Variants in SYN3 observed in about 807,000 individuals in gnomAD.
SYN3 encodes the protein synapsin III.
In SYN3, 35 loss-of-function variants were observed where a neutral mutation model predicts 65.8. The observed-to-expected ratio is 0.53, with a 90% CI of 0.41 to 0.70. The LOEUF (loss-of-function observed/expected upper bound fraction) is 0.70, where lower values mean the gene tolerates loss of function less well. SYN3 is among the 30% of genes least tolerant of loss of function. The pLI is 0.00. For synonymous variants in SYN3, 270 were observed against 292.9 expected (o/e 0.92, Z 0.80); for missense variants, 680 against 749.0 (o/e 0.91, Z 1.08).
chr22:32,555,179 A>G (rs1451799496), intron 7 of SYN3, among the ~76,000 whole-genome samples: 1 of 152,186 alleles, frequency 6.6e-6, no homozygotes, highest in African/African-American at 2.4e-5. Context: ...AGGAGGTGCA[A>G]TAGCCCTGAG....
intron 3 of SYN3, among the ~76,000 whole-genome samples, chr22:32,939,399 T>C (rs894682062): frequency 6.6e-6 from 1 of 152,156 alleles, no homozygotes; most frequent in Non-Finnish European, 1.5e-5. Context: ...AAATAAAGTA[T>C]ACAAATTTTA....
chr22:32,596,336 T>C (rs967458427), intron 7 of SYN3, among the ~76,000 whole-genome samples: 2 of 152,192 alleles, frequency 1.3e-5, no homozygotes, highest in East Asian at 1.9e-4. Context: ...GCTTACAACA[T>C]GGCTGTGGAG....
intron 7 of SYN3, among the ~76,000 whole-genome samples, chr22:32,580,867 G>A (rs1443194937): frequency 6.6e-6 from 1 of 152,150 alleles, no homozygotes. Context: ...CTAGATCATG[G>A]TCTAGCAGCA....
chr22:32,850,801 A>G (rs2048196578), intron 6 of SYN3, among the ~76,000 whole-genome samples: 1 of 152,162 alleles, frequency 6.6e-6, no homozygotes, highest in African/African-American at 2.4e-5. Flanking sequence ...GTGAGACCCC[A>G]CAGGCCTGGA....
Position 32,897,700 on chromosome 22 carries a change from C to G in SYN3, c.462-28575G>C, listed in dbSNP as rs527381616. ...AAATGAAGATCATAATAGCGCTTACCTCACAGAGTTGTTAAGAGGATTTAA... is the reference window on the plus strand; with the variant it reads ...AAATGAAGATCATAATAGCGCTTACGTCACAGAGTTGTTAAGAGGATTTAA... On this transcript the variant is annotated intron_variant, in intron 4 of 13. Transcript: ENST00000358763. Among the ~76,000 whole-genome samples, 25 of 152,282 alleles carry G rather than the reference C, an allele frequency of 1.6e-4. No individual in the cohort carries two copies. In the South Asian group the frequency reaches 5.2e-3, roughly 32 times the overall value.
At chr22:32,645,391 C>T (rs1301661435) in intron 6 of SYN3, among the ~76,000 whole-genome samples, 7 of 149,448 alleles carry the variant, frequency 4.7e-5, no homozygotes, top group Admixed American at 3.4e-4. Context: ...GCAGAGGTGG[C>T]GGTGAGCGAA....
intron 4 of SYN3, among the ~76,000 whole-genome samples, chr22:32,879,043 A>C (rs1486069025): frequency 1.3e-5 from 2 of 152,088 alleles, no homozygotes; most frequent in Non-Finnish European, 2.9e-5. Flanking sequence ...AAAAAAAATA[A>C]AGGTAACCAA....
intron 6 of SYN3, among the ~76,000 whole-genome samples, chr22:32,660,476 CCT>C (rs1280463333): frequency 6.6e-6 from 1 of 152,122 alleles, no homozygotes; most frequent in Non-Finnish European, 1.5e-5. Context: ...GAAACAGCAC[CCT>C]GTGTTGGTGG....
At chr22:32,609,109 G>T (rs897838041) in intron 6 of SYN3, among the ~76,000 whole-genome samples, 5 of 152,004 alleles carry the variant, frequency 3.3e-5, no homozygotes, top group African/African-American at 1.2e-4. Flanking sequence ...TGGATCACGA[G>T]GTCAGGAGAT....
At chr22:32,526,076 A>C (rs1601562812) in intron 12 of SYN3, among the ~76,000 whole-genome samples, 1 of 152,244 alleles carries the variant, frequency 6.6e-6, no homozygotes, top group Admixed American at 6.5e-5. Flanking sequence ...TTAGTAATAA[A>C]GTATTTTATC....
At chr22:32,692,850 T>A (rs2060684468) in intron 6 of SYN3, among the ~76,000 whole-genome samples, 1 of 152,194 alleles carries the variant, frequency 6.6e-6, no homozygotes, top group East Asian at 1.9e-4. Context: ...GTACTACATG[T>A]TTTCGGCATA....
chr22:32,942,539 C>G (rs901660694), intron 3 of SYN3, among the ~76,000 whole-genome samples: 4 of 152,230 alleles, frequency 2.6e-5, no homozygotes, highest in African/African-American at 9.6e-5. Context: ...ATCAGAGCGC[C>G]TCTTCTCCTC....
chr22:32,855,101 C>A (rs1170107865), intron 6 of SYN3, among the ~76,000 whole-genome samples: 2 of 152,290 alleles, frequency 1.3e-5, no homozygotes, highest in East Asian at 1.9e-4. Context: ...CTATTATAAA[C>A]CCTTGGGACA....
At chr22:32,943,723 C>A (rs1408966150) in intron 3 of SYN3, among the ~76,000 whole-genome samples, 1 of 152,112 alleles carries the variant, frequency 6.6e-6, no homozygotes, top group East Asian at 1.9e-4. Flanking sequence ...CAGAGACACA[C>A]ATAGACTCAA....
chr22:32,637,136 G>A (rs2059827940), intron 6 of SYN3, among the ~76,000 whole-genome samples: 1 of 152,170 alleles, frequency 6.6e-6, no homozygotes, highest in African/African-American at 2.4e-5. Flanking sequence ...GGAGGAAGAC[G>A]GTTGTGCCTG....
At chr22:32,909,096 G>A (rs774512020) in intron 4 of SYN3, among the ~76,000 whole-genome samples, 8 of 152,072 alleles carry the variant, frequency 5.3e-5, no homozygotes, top group East Asian at 1.9e-4. Context: ...TGGACTAGGC[G>A]GCATGCTAAA....
chr22:32,581,171 G>A (rs968348722), intron 7 of SYN3, among the ~76,000 whole-genome samples: 1 of 152,138 alleles, frequency 6.6e-6, no homozygotes, highest in African/African-American at 2.4e-5. Flanking sequence ...GTGCAGTGGT[G>A]CAATCTCGGC....
Position 32,980,709 on chromosome 22 carries a change from AG to A in SYN3, c.312-8del. ...CCCATGGAAATACTTCGACCTGTAA[AG>A]GGGAAGAAATCAGCTGAGTAAGGAT... On this transcript the variant is annotated splice_region_variant and splice_polypyrimidine_tract_variant and intron_variant, in intron 2 of 13. Coordinates refer to ENST00000358763, the MANE Select transcript of SYN3 (RefSeq NM_003490.4). 1 of 1,613,810 alleles carries A rather than the reference AG, an allele frequency of 6.2e-7. No individual in the cohort carries two copies. Among genetic ancestry groups the A allele is most frequent in the East Asian group, 2.2e-5 (1 of 44,864 alleles).
chr22:32,911,488 A>T (rs1186911822), intron 4 of SYN3, among the ~76,000 whole-genome samples: 1 of 152,116 alleles, frequency 6.6e-6, no homozygotes, highest in Non-Finnish European at 1.5e-5. Context: ...ACATGGCCAG[A>T]TGGGAGACAA....
Sources: gnomAD v4.1 joint callset for allele counts (sites outside exome capture counted in the v4.1 genomes callset) on GRCh38, gnomAD v4.1.1 for gene constraint, MANE v1.5 for transcripts, NCBI Gene and HGNC (gene_info 2026-07-23, HGNC 2026-07-21) for gene names.